The following MGME1 variants were observed in gnomAD, a reference collection of about 807,000 sequenced individuals.
MGME1 encodes the protein mitochondrial genome maintenance exonuclease 1, also known as chromosome 20 open reading frame 72.
A neutral mutation model predicts 33.0 loss-of-function variants in MGME1; 22 were observed. That is an observed-to-expected ratio of 0.67 (90% CI 0.48 to 0.95). The LOEUF is 0.95. Ranked by LOEUF, MGME1 falls within the 40% of genes least tolerant of loss-of-function variation. The pLI, the probability that MGME1 is intolerant of heterozygous loss-of-function variation, is 0.00. For synonymous variants in MGME1, 133 were observed against 144.0 expected, an observed-to-expected ratio of 0.92 and a Z score of 0.55; for missense variants, 383 against 397.8, an observed-to-expected ratio of 0.96 and a Z score of 0.32.
rs2035691317 is a variant in MGME1 at position 17,970,303 on chromosome 20, G to A, written c.444G>A (p.Leu148=). 6.2e-7 allele frequency: 1 copy of A among 1,614,114 alleles called. No homozygotes were observed. The highest frequency in any genetic ancestry group is 1.7e-5 in the Admixed American group (1 of 60,014). Residue 148 remains leucine, a synonymous_variant, in exon 2 of 5, where the codon TTG becomes TTA. Coordinates refer to ENST00000377710, the MANE Select transcript of MGME1 (RefSeq NM_052865.4). ...QQTMTKQQVF[L]LERWKQRMIL... ...CCATGACAAAACAACAGGTTTTCTT[G>A]TTGGAGAGGTGGAAACAGCGGATGA...
intron 3 of MGME1, among the ~76,000 whole-genome samples, chr20:17,986,261 G>A (rs1038301661): frequency 2.6e-5 from 4 of 152,046 alleles, no homozygotes; most frequent in African/African-American, 7.2e-5. Context: ...TAGAGACGAG[G>A]TTTCACCATG....
chr20:17,980,063 T>C (rs1367766845), intron 3 of MGME1, among the ~76,000 whole-genome samples: 1 of 152,152 alleles, frequency 6.6e-6, no homozygotes, highest in African/African-American at 2.4e-5. Flanking sequence ...TTTGCTGTTG[T>C]CGCCCAGGCT....
chr20:17,988,844 C>T (rs1436193323), intron 4 of MGME1, among the ~76,000 whole-genome samples: 1 of 152,048 alleles, frequency 6.6e-6, no homozygotes, highest in Admixed American at 6.6e-5. Flanking sequence ...GGCTCACGCA[C>T]TTTGGGAGGC....
At chr20:17,989,249 G>T (rs1222385710) in intron 4 of MGME1, among the ~76,000 whole-genome samples, 1 of 151,650 alleles carries the variant, frequency 6.6e-6, no homozygotes, top group Admixed American at 6.6e-5. Flanking sequence ...AGCTGGGCGT[G>T]GTGGTGTGTG....
chr20:17,987,170 TA>T (rs373017515), intron 3 of MGME1, among the ~76,000 whole-genome samples: 33,023 of 122,276 alleles, frequency 0.27, 3,982 homozygotes, highest in African/African-American at 0.36. Context: ...AGACTCCATC[TA>T]AAAAAAAAAA....
chr20:17,968,728 A>G (rs113330582), upstream of MGME1: 1,200 of 405,946 alleles, frequency 3.0e-3, 13 homozygotes, highest in African/African-American at 0.023. Context: ...GGAGGCCGCC[A>G]ACCGCAGGGC....
In MGME1 at chr20:17,970,245, T is replaced by C. The variant is rs766982378; in HGVS notation, c.386T>C (p.Val129Ala). ...TTGAAAATCCCCTTGCAAAGGAATG[T>C]GATACCAAGTGTGACCCGAGTCCTT... ...VPLKIPLQRNVIPSVTRVLQQ... is the reference protein window; with the variant it reads ...VPLKIPLQRNAIPSVTRVLQQ... Residue 129 changes from valine to alanine, a missense_variant, in exon 2 of 5, where the codon GTG becomes GCG. By Grantham distance (64) the Val-to-Ala change is moderately conservative. Transcript: ENST00000377710. 1 of 1,614,224 alleles carries C rather than the reference T, an allele frequency of 6.2e-7. No homozygotes were observed. Among genetic ancestry groups the C allele is most frequent in the East Asian group, 2.2e-5 (1 of 44,888 alleles).
At chr20:17,978,050 A>G (rs2122546718) in intron 3 of MGME1, among the ~76,000 whole-genome samples, 1 of 152,306 alleles carries the variant, frequency 6.6e-6, no homozygotes. Context: ...TTCTTAAAAC[A>G]TTATGAGATT....
At chr20:17,972,527 A>C (rs188236967) in intron 2 of MGME1, among the ~76,000 whole-genome samples, 3 of 151,746 alleles carry the variant, frequency 2.0e-5, no homozygotes, top group Admixed American at 1.3e-4. Flanking sequence ...AGATGCATGA[A>C]GGTTTTTTTT....
chr20:17,972,436 ATTT>A (rs143594137), intron 2 of MGME1, among the ~76,000 whole-genome samples: 29 of 125,694 alleles, frequency 2.3e-4, no homozygotes, highest in Admixed American at 2.4e-4. Flanking sequence ...TTAGGTTTTA[ATTT>A]TTTTTTTTTT....
rs115932170 is a variant in MGME1, at chr20:17,986,418, C to T, written c.732-1748C>T. Among the ~76,000 whole-genome samples the T allele has an allele frequency of 7.0e-3, 1,065 of 151,548 alleles. 14 individuals carry two copies. The highest frequency in any genetic ancestry group is 0.024 in the African/African-American group (990 of 41,250). On this transcript the variant is annotated intron_variant, in intron 3 of 4. Transcript: ENST00000377710. The stretch of plus-strand genomic sequence containing the variant: ...TGAGACAGGGTCTGGCTTTGTTACC[C>T]ACGCTGTTGTGCAGTGGTGCAATCT...
At position 17,975,700 on chromosome 20, in the gene MGME1, G is replaced by GA. The variant is rs1326148828; in HGVS notation, c.531dup (p.Arg178ThrfsTer21). Reference sequence around the variant, plus strand: ...TCTTTTCAGACGTCTTTTTACAAGGGAAACGGTTCCACGAAGCCTTGGAAA... The same window carrying GA: ...TCTTTTCAGACGTCTTTTTACAAGGGAAAACGGTTCCACGAAGCCTTGGAAA... On this transcript the variant is annotated frameshift_variant, in exon 3 of 5. Transcript: ENST00000377710. LOFTEE classifies it high-confidence loss of function. 1 of 1,613,384 alleles carries GA rather than the reference G, an allele frequency of 6.2e-7. No individual in the cohort carries two copies. Among genetic ancestry groups the GA allele is most frequent in the Non-Finnish European group, 8.5e-7 (1 of 1,179,624 alleles).
chr20:17,970,470 C>A lies in MGME1; in HGVS notation c.511+100C>A. 4.1e-6 allele frequency: 5 copies of A among 1,232,774 alleles called. No individual in the cohort carries two copies. The Admixed American group carries it at 1.2e-4, about 29-fold the overall frequency. 76.4% of individuals were successfully genotyped at this position (1,232,774 alleles called of 1,614,324 possible). On this transcript the variant is annotated intron_variant, in intron 2 of 4. Coordinates refer to ENST00000377710, the MANE Select transcript of MGME1 (RefSeq NM_052865.4). ...GGTTTGGTTTTGTTTTTTTAACTTA[C>A]TAGCAAGGAACTCCCTTCAGATAGT...
chr20:17,990,827 G>A lies in MGME1; in HGVS notation c.*718G>A, dbSNP rs889165462. On this transcript the variant is annotated 3_prime_UTR_variant, in exon 5 of 5. Coordinates refer to ENST00000377710, the MANE Select transcript of MGME1 (RefSeq NM_052865.4). ...AAGTGTTTTAGTAACTATTTCTGGC[G>A]TGAGTCAACAGATCATGTAGATAGA... 7.2e-5 allele frequency: 11 copies of A among 152,166 alleles called. No individual in the cohort carries two copies. The highest frequency in any genetic ancestry group is 6.6e-4 in the Admixed American group (10 of 15,262). 9.4% of individuals were successfully genotyped at this position (152,166 alleles called of 1,614,324 possible). A position where few individuals can be genotyped will look rare whatever the true frequency, so the allele number is the denominator to read the frequency against.
intron 4 of MGME1, among the ~76,000 whole-genome samples, chr20:17,988,998 A>C: frequency 6.6e-6 from 1 of 152,208 alleles, no homozygotes; most frequent in East Asian, 1.9e-4. Flanking sequence ...CTGAGGTGGG[A>C]GGATTGCTTG....
At chr20:17,978,351 C>T (rs1211409054) in intron 3 of MGME1, among the ~76,000 whole-genome samples, 1 of 151,998 alleles carries the variant, frequency 6.6e-6, no homozygotes, top group African/African-American at 2.4e-5. Flanking sequence ...ATTAGAGGTG[C>T]ACGCCACCAC....
chr20:17,974,152 C>A (rs1483028261), intron 2 of MGME1, among the ~76,000 whole-genome samples: 1 of 146,058 alleles, frequency 6.8e-6, no homozygotes, highest in Non-Finnish European at 1.5e-5. Context: ...GCAACCTCTG[C>A]CTCCTGGGTT....
chr20:17,975,752 A>T lies in MGME1; in HGVS notation c.580A>T (p.Lys194Ter). The T allele has an allele frequency of 6.2e-7, 1 of 1,614,186 alleles. No individual in the cohort carries two copies. Among genetic ancestry groups the T allele is most frequent in the South Asian group, 1.1e-5 (1 of 91,090 alleles). The change falls in exon 3 of 5, where the codon AAA (lysine) becomes TAA (stop). Residue 194 changes from lysine (K) to a stop codon, truncating the protein, a stop_gained. Transcript: ENST00000377710. LOFTEE classifies it high-confidence loss of function. ...ESILSPQETL[K>*]ERDENLLKSG... ...CATACTTTCACCCCAGGAAACCTTA[A>T]AAGAGAGAGATGAAAATCTCCTCAA...
chr20:17,989,861 C>T, intron 4 of MGME1, 78 bp from the exon 5 acceptor site: 3 of 1,355,160 alleles, frequency 2.2e-6, no homozygotes, highest in South Asian at 2.7e-5. Context: ...ACTGAGTTTG[C>T]CCTGGAGTAA....
Sources: allele counts gnomAD v4.1 joint callset (sites outside exome capture counted in the v4.1 genomes callset), GRCh38; gene constraint gnomAD v4.1.1; transcripts MANE v1.5; gene names NCBI Gene and HGNC (gene_info 2026-07-23, HGNC 2026-07-21).